NSUN6: variants seen among roughly 807,000 people sequenced by gnomAD.
NSUN6 encodes tRNA (cytosine(72)-C(5))-methyltransferase NSUN6.
Under a neutral mutation model 58.0 loss-of-function variants are expected in NSUN6, and 64 were observed. The observed-to-expected ratio is 1.10, with a 90% CI of 0.90 to 1.36. The LOEUF (loss-of-function observed/expected upper bound fraction) is 1.36, where lower values mean the gene tolerates loss of function less well. Ranked by LOEUF, NSUN6 falls within the 40% of genes most tolerant of loss-of-function variation. NSUN6 has a pLI of 0.00. For missense variants in NSUN6, 701 were observed against 550.1 expected (o/e 1.27, Z -2.74); for synonymous variants, 231 against 193.9 (o/e 1.19, Z -1.59).
At chr10:18,634,992 A>C (rs1006534448) in intron 3 of NSUN6, among the ~76,000 whole-genome samples, 6 of 152,218 alleles carry the variant, frequency 3.9e-5, no homozygotes, top group Admixed American at 3.3e-4. Flanking sequence ...ATGATAAATA[A>C]GAGTGGCTCA....
intron 2 of NSUN6, among the ~76,000 whole-genome samples, chr10:18,646,051 C>A (rs549547376): frequency 6.6e-6 from 1 of 151,906 alleles, no homozygotes; most frequent in Non-Finnish European, 1.5e-5. Context: ...CAAAATTAGC[C>A]GAGCATTGTG....
At chr10:18,588,469 G>A (rs766064380) in intron 7 of NSUN6, among the ~76,000 whole-genome samples, 5 of 152,154 alleles carry the variant, frequency 3.3e-5, no homozygotes, top group Admixed American at 6.5e-5. Flanking sequence ...CCTGATCTCC[G>A]TGCCTCCTGA....
At chr10:18,590,118 G>C (rs1157951651) in intron 7 of NSUN6, among the ~76,000 whole-genome samples, 1 of 152,056 alleles carries the variant, frequency 6.6e-6, no homozygotes, top group Non-Finnish European at 1.5e-5. Context: ...CCTAGTCTCT[G>C]ATAAAACAGA....
At chr10:18,651,792 G>A (rs1564855505), upstream of NSUN6, 2 of 985,480 alleles carry the variant, frequency 2.0e-6, no homozygotes, top group African/African-American at 1.7e-5. Flanking sequence ...TAAGTAGGCA[G>A]ACCCCGCGGG....
rs2059692306 is a variant in NSUN6 at position 18,651,115 on chromosome 10, T to C, written c.75+14A>G. On this transcript the variant is annotated intron_variant, in intron 1 of 10. Coordinates refer to ENST00000377304, the MANE Select transcript of NSUN6 (RefSeq NM_182543.5). Reference sequence around the variant, plus strand: ...TTTTTGCAAAATATCAACTAACATCTTTACTTGACCTACCTCCTTATTCAT... The same window carrying C: ...TTTTTGCAAAATATCAACTAACATCCTTACTTGACCTACCTCCTTATTCAT... 1.9e-6 allele frequency: 3 copies of C among 1,572,156 alleles called. No individual in the cohort carries two copies. Among genetic ancestry groups the C allele is most frequent in the African/African-American group, 2.8e-5 (2 of 71,714 alleles).
At chr10:18,555,415 A>T (rs1225140317) in intron 8 of NSUN6, among the ~76,000 whole-genome samples, 14 of 150,686 alleles carry the variant, frequency 9.3e-5, no homozygotes, top group Non-Finnish European at 1.3e-4. Context: ...TGGAATGGAG[A>T]ATGCTATGGA....
intron 8 of NSUN6, among the ~76,000 whole-genome samples, chr10:18,575,580 C>A (rs180849420): frequency 2.0e-5 from 3 of 152,140 alleles, no homozygotes; most frequent in East Asian, 1.9e-4. Flanking sequence ...GATGGCAATA[C>A]CATACTCCCT....
chr10:18,559,940 G>T (rs1006158763), intron 8 of NSUN6, among the ~76,000 whole-genome samples: 1 of 150,864 alleles, frequency 6.6e-6, no homozygotes, highest in Non-Finnish European at 1.5e-5. Flanking sequence ...ATGGAGAATG[G>T]ACTGGAATGG....
chr10:18,600,111 C>T (rs1479889785), intron 6 of NSUN6, among the ~76,000 whole-genome samples: 2 of 152,102 alleles, frequency 1.3e-5, no homozygotes, highest in Admixed American at 1.3e-4. Flanking sequence ...CCACTTACCA[C>T]TAAAAAGCCC....
At position 18,648,620 on chromosome 10, in the gene NSUN6, T is replaced by G; in HGVS notation, c.101A>C (p.Glu34Ala). 1 of 1,603,600 alleles carries G rather than the reference T, an allele frequency of 6.2e-7. No individual in the cohort carries two copies. Among genetic ancestry groups the G allele is most frequent in the Non-Finnish European group, 8.5e-7 (1 of 1,173,354 alleles). The change falls in exon 2 of 11, where the codon GAA (glutamate) becomes GCA (alanine). Residue 34 changes from glutamate (E) to alanine (A), a missense_variant. Coordinates refer to ENST00000377304, the MANE Select transcript of NSUN6 (RefSeq NM_182543.5). ...KEIVTALGKQ[E>A]AERKFETLLK... ...CAAAGTTTCAAACTTCCTTTCTGCT[T>G]CTTGTTTACCTAAAGCAGTCACAAT...
chr10:18,576,663 C>T (rs2056664484), intron 8 of NSUN6, among the ~76,000 whole-genome samples: 1 of 152,178 alleles, frequency 6.6e-6, no homozygotes, highest in African/African-American at 2.4e-5. Context: ...CACTTTGTGT[C>T]TCTCATGACA....
chr10:18,603,794 TAAC>T (rs1488335853), intron 6 of NSUN6, among the ~76,000 whole-genome samples: 3 of 152,140 alleles, frequency 2.0e-5, no homozygotes, highest in Admixed American at 2.0e-4. Flanking sequence ...CTTTTTATTA[TAAC>T]AACAGTAAAA....
chr10:18,559,445 T>C (rs1307425727), intron 8 of NSUN6, among the ~76,000 whole-genome samples: 2 of 147,600 alleles, frequency 1.4e-5, no homozygotes, highest in Non-Finnish European at 3.0e-5. Context: ...TGGAACAGAA[T>C]GGAGAATGGA....
chr10:18,630,548 T>C (rs1353425762), intron 3 of NSUN6, among the ~76,000 whole-genome samples: 84 of 151,852 alleles, frequency 5.5e-4, no homozygotes, highest in Non-Finnish European at 1.1e-3. Context: ...ATCAAATAGA[T>C]GCGATAAAAA....
At chr10:18,560,262 A>T (rs902579850) in intron 8 of NSUN6, among the ~76,000 whole-genome samples, 9 of 151,038 alleles carry the variant, frequency 6.0e-5, no homozygotes, top group Non-Finnish European at 1.0e-4. Flanking sequence ...TGGATAATGG[A>T]CGGCAATGGA....
upstream of NSUN6, among the ~76,000 whole-genome samples, chr10:18,656,650 T>C (rs1447930697): frequency 6.6e-6 from 1 of 152,218 alleles, no homozygotes; most frequent in East Asian, 1.9e-4. Flanking sequence ...TAGTTCCTTT[T>C]AAAAACATCT....
At chr10:18,561,781 G>A (rs1022499996) in intron 8 of NSUN6, among the ~76,000 whole-genome samples, 23 of 148,460 alleles carry the variant, frequency 1.5e-4, no homozygotes, top group African/African-American at 5.4e-4. Context: ...AATGGAGAAC[G>A]GAATGGAGAA....
intron 8 of NSUN6, among the ~76,000 whole-genome samples, chr10:18,581,777 G>A (rs994029960): frequency 4.6e-5 from 7 of 150,748 alleles, no homozygotes; most frequent in African/African-American, 1.7e-4. Flanking sequence ...AGTGAGCCGA[G>A]ATCGTGCCAC....
chr10:18,612,714 TTAACA>T (rs2058278677), intron 5 of NSUN6, among the ~76,000 whole-genome samples: 1 of 152,332 alleles, frequency 6.6e-6, no homozygotes, highest in Non-Finnish European at 1.5e-5. Flanking sequence ...ATCACTGAAC[TTAACA>T]TAACGAAGAA....
Sources: gnomAD v4.1 joint callset for allele counts (sites outside exome capture counted in the v4.1 genomes callset) on GRCh38, gnomAD v4.1.1 for gene constraint, MANE v1.5 for transcripts, NCBI Gene and HGNC (gene_info 2026-07-23, HGNC 2026-07-21) for gene names.